The following CFAP54 variants were observed in gnomAD, a reference collection of about 807,000 sequenced individuals.
CFAP54 encodes the protein cilia- and flagella-associated protein 54.
CFAP54 carries 290 observed loss-of-function variants against 370.4 expected under a neutral mutation model. The ratio of observed to expected loss-of-function variants is 0.78; its 90% CI spans 0.71 to 0.86. The LOEUF is 0.86. Ranked by LOEUF, CFAP54 falls within the 40% of genes least tolerant of loss-of-function variation. CFAP54 has a pLI of 0.00. For synonymous variants in CFAP54, 1,206 were observed against 1,236.5 expected, an observed-to-expected ratio of 0.98 and a Z score of 0.52; for missense variants, 3,399 against 3,528.7, an observed-to-expected ratio of 0.96 and a Z score of 0.93.
At chr12:96,730,847 G>C (rs1957912632) in intron 50 of CFAP54, among the ~76,000 whole-genome samples, 3 of 152,192 alleles carry the variant, frequency 2.0e-5, no homozygotes, top group Non-Finnish European at 4.4e-5. Context: ...ACTGAAGGCT[G>C]TTCCATGACT....
At chr12:96,780,412 A>C (rs1353221081) in intron 60 of CFAP54, among the ~76,000 whole-genome samples, 1 of 152,134 alleles carries the variant, frequency 6.6e-6, no homozygotes, top group Admixed American at 6.6e-5. Context: ...AACCCAGAAC[A>C]GTGTATCGAA....
intron 22 of CFAP54, among the ~76,000 whole-genome samples, chr12:96,588,937 C>T (rs73237141): frequency 0.017 from 2,535 of 152,270 alleles, 35 homozygotes; most frequent in Non-Finnish European, 0.027. Context: ...ATTCTATACT[C>T]TTTTCAGCTC....
intron 26 of CFAP54, among the ~76,000 whole-genome samples, chr12:96,616,375 G>A (rs560642400): frequency 1.3e-5 from 2 of 152,032 alleles, no homozygotes; most frequent in African/African-American, 4.8e-5. Flanking sequence ...GGTGGTGGGA[G>A]GGGGGAGGGA....
intron 48 of CFAP54, among the ~76,000 whole-genome samples, chr12:96,714,171 T>C (rs1957647750): frequency 1.3e-5 from 2 of 152,214 alleles, no homozygotes; most frequent in African/African-American, 4.8e-5. Flanking sequence ...AGAACTTACG[T>C]TGGCTTCAAC....
intron 19 of CFAP54, 84 bp downstream of exon 19, chr12:96,564,849 G>A (rs941653115): frequency 2.0e-6 from 1 of 505,948 alleles, no homozygotes; most frequent in Admixed American, 3.8e-5. Context: ...TAAAAATAAT[G>A]TGTTGCCCTT....
chr12:96,809,343 AT>A (rs1054604326), intron 63 of CFAP54, among the ~76,000 whole-genome samples: 34 of 151,710 alleles, frequency 2.2e-4, no homozygotes, highest in African/African-American at 8.2e-4. Flanking sequence ...TACTTTTCTC[AT>A]TTTTTTCCCT....
At chr12:96,769,677 C>T (rs530001752) in intron 60 of CFAP54, among the ~76,000 whole-genome samples, 3 of 152,186 alleles carry the variant, frequency 2.0e-5, no homozygotes, top group Non-Finnish European at 4.4e-5. Context: ...CTTTTATAGA[C>T]AGTAGTGGCT....
chr12:96,873,941 G>T (rs1344383943), intron 67 of CFAP54, among the ~76,000 whole-genome samples: 6 of 152,086 alleles, frequency 3.9e-5, no homozygotes, highest in Non-Finnish European at 8.8e-5. Context: ...TACCTGACTA[G>T]AGTGTTAATC....
chr12:96,574,947 T>G (rs1395217843), intron 19 of CFAP54, among the ~76,000 whole-genome samples: 1 of 152,160 alleles, frequency 6.6e-6, no homozygotes, highest in Non-Finnish European at 1.5e-5. Flanking sequence ...ATAGGAATGA[T>G]CAGTTCTTTG....
chr12:96,743,861 C>G lies in CFAP54; in HGVS notation c.7508C>G (p.Thr2503Arg), dbSNP rs1038397798. The change falls in exon 54 of 68, where the codon ACA (threonine) becomes AGA (arginine). Residue 2503 changes from threonine (T) to arginine (R), a missense_variant. Transcript: ENST00000524981. ...EKFKESPSSK[T>R]GKLNLLTRAH... ...TTCAAGGAATCTCCCTCTTCAAAAA[C>G]AGGAAAATTAAATTTGTTAACTCGG... 1 of 1,613,716 alleles carries G rather than the reference C, an allele frequency of 6.2e-7. No homozygotes were observed. The highest frequency in any genetic ancestry group is 1.3e-5 in the African/African-American group (1 of 75,022).
In CFAP54 at chr12:96,506,589, CT is replaced by C. The variant is rs71068809; in HGVS notation, c.568-325del. Among the ~76,000 whole-genome samples, 203 of 130,852 alleles carry C rather than the reference CT, an allele frequency of 1.6e-3. 1 individual carries two copies. Among genetic ancestry groups the C allele is most frequent in the Admixed American group, 2.2e-3 (27 of 12,556 alleles). 85.8% of individuals were successfully genotyped at this position (130,852 alleles called of 152,430 possible). A position where few individuals can be genotyped will look rare whatever the true frequency, so the allele number is the denominator to read the frequency against. On this transcript the variant is annotated intron_variant, in intron 3 of 67. Coordinates refer to ENST00000524981, the MANE Select transcript of CFAP54 (RefSeq NM_001306084.2). The stretch of plus-strand genomic sequence containing the variant: ...TCCTTCTTTTTCTTTCTTTTCTTTT[CT>C]TTTTTTTTTTTTTGAGATGGAGTTT...
intron 52 of CFAP54, 87 bp downstream of exon 52, chr12:96,742,673 T>G: frequency 8.0e-7 from 1 of 1,249,250 alleles, no homozygotes; most frequent in Admixed American, 2.6e-5. Flanking sequence ...TTTATTATGT[T>G]AATGTTTTAT....
At chr12:96,873,698 G>A (rs1731004015) in intron 67 of CFAP54, among the ~76,000 whole-genome samples, 1 of 152,138 alleles carries the variant, frequency 6.6e-6, no homozygotes, top group South Asian at 2.1e-4. Flanking sequence ...TGCAAAAGCA[G>A]CCATACACAA....
chr12:96,739,133 T>TG (rs1160399803), intron 50 of CFAP54, among the ~76,000 whole-genome samples: 1 of 152,142 alleles, frequency 6.6e-6, no homozygotes, highest in Non-Finnish European at 1.5e-5. Context: ...AGCTGTTAAG[T>TG]GGGGAAATTG....
At chr12:96,757,395 C>A (rs898725588) in intron 57 of CFAP54, 100 bp from the exon 58 acceptor site, 9 of 578,100 alleles carry the variant, frequency 1.6e-5, no homozygotes, top group Non-Finnish European at 2.3e-5. Context: ...GCTGGTTTTG[C>A]CAGTTTTTAC....
chr12:96,820,305 G>A (rs1959017544), intron 65 of CFAP54, among the ~76,000 whole-genome samples: 1 of 152,074 alleles, frequency 6.6e-6, no homozygotes, highest in African/African-American at 2.4e-5. Flanking sequence ...GAATATTATT[G>A]TTTTGGCTTT....
intron 9 of CFAP54, among the ~76,000 whole-genome samples, chr12:96,528,237 T>TG (rs955811204): frequency 1.8e-4 from 28 of 152,154 alleles, no homozygotes; most frequent in Non-Finnish European, 3.5e-4. Context: ...AGTGTTTTTT[T>TG]TTGTTGTTGT....
At chr12:96,758,867 T>G (rs1233321761) in intron 58 of CFAP54, among the ~76,000 whole-genome samples, 1 of 152,142 alleles carries the variant, frequency 6.6e-6, no homozygotes, top group East Asian at 1.9e-4. Flanking sequence ...GCCTCCCAGG[T>G]GATGCTGATG....
intron 32 of CFAP54, among the ~76,000 whole-genome samples, chr12:96,632,938 C>T (rs556805471): frequency 1.9e-4 from 29 of 152,028 alleles, no homozygotes; most frequent in South Asian, 1.9e-3. Context: ...TCCATAACCG[C>T]GTTATATATC....
Sources: gnomAD v4.1 joint callset for allele counts (sites outside exome capture counted in the v4.1 genomes callset) on GRCh38, gnomAD v4.1.1 for gene constraint, MANE v1.5 for transcripts, NCBI Gene and HGNC (gene_info 2026-07-23, HGNC 2026-07-21) for gene names.